The following FGF12 variants were observed in gnomAD, a reference collection of about 807,000 sequenced individuals.
The protein encoded by FGF12 is fibroblast growth factor 12, also known as fibroblast growth factor 12B.
FGF12 carries 14 observed loss-of-function variants against 23.6 expected under a neutral mutation model. The ratio of observed to expected loss-of-function variants is 0.59; its 90% confidence interval spans 0.39 to 0.93. The LOEUF (loss-of-function observed/expected upper bound fraction) is 0.93. Among genes scored for constraint, FGF12 ranks in the 40% least tolerant of loss-of-function variants. The pLI is 0.00. For missense variants in FGF12, 175 were observed against 217.8 expected, an observed-to-expected ratio of 0.80 and a Z score of 1.24; for synonymous variants, 62 against 77.3, an observed-to-expected ratio of 0.80 and a Z score of 1.04.
chr3:192,625,867 A>G (rs1047238218), intron 2 of FGF12, among the ~76,000 whole-genome samples: 1 of 152,220 alleles, frequency 6.6e-6, no homozygotes, highest in African/African-American at 2.4e-5. Context: ...TAAAAACCTA[A>G]TACCATGAAC....
intron 2 of FGF12, among the ~76,000 whole-genome samples, chr3:192,591,395 C>T (rs1276967054): frequency 1.3e-5 from 2 of 151,562 alleles, no homozygotes; most frequent in African/African-American, 4.8e-5. Flanking sequence ...AAAACAGCTG[C>T]CAGTGAAGGA....
At chr3:192,582,241 C>A (rs969409905) in intron 2 of FGF12, among the ~76,000 whole-genome samples, 2 of 152,132 alleles carry the variant, frequency 1.3e-5, no homozygotes, top group Admixed American at 6.5e-5. Flanking sequence ...AGGATTGTAG[C>A]TAATCTGCCA....
intron 2 of FGF12, among the ~76,000 whole-genome samples, chr3:192,570,294 A>C (rs558465028): frequency 6.6e-6 from 1 of 152,200 alleles, no homozygotes; most frequent in African/African-American, 2.4e-5. Flanking sequence ...ATGGAAATCC[A>C]AGTAGAGAGC....
intron 2 of FGF12, among the ~76,000 whole-genome samples, chr3:192,620,281 C>G (rs567083329): frequency 2.6e-5 from 4 of 151,874 alleles, no homozygotes; most frequent in Admixed American, 6.6e-5. Context: ...CACACTCAAA[C>G]CTGAAAAATA....
chr3:192,689,776 C>G (rs1316917909), intron 2 of FGF12, among the ~76,000 whole-genome samples: 1 of 151,680 alleles, frequency 6.6e-6, no homozygotes, highest in Admixed American at 6.6e-5. Flanking sequence ...AACTTCCCAC[C>G]TGGGGAAAGA....
At chr3:192,347,064 T>C (rs1452640941) in intron 3 of FGF12, among the ~76,000 whole-genome samples, 1 of 152,150 alleles carries the variant, frequency 6.6e-6, no homozygotes, top group Non-Finnish European at 1.5e-5. Context: ...TCTGAAAAGT[T>C]TGAAAATTCT....
chr3:192,523,910 T>C (rs9291028), intron 2 of FGF12, among the ~76,000 whole-genome samples: 15,002 of 152,198 alleles, frequency 0.099, 2,340 homozygotes, highest in African/African-American at 0.33. Context: ...AGCAGTATCA[T>C]GATATTTGTA....
At chr3:192,223,189 AG>A (rs1411465009) in intron 4 of FGF12, among the ~76,000 whole-genome samples, 1 of 152,192 alleles carries the variant, frequency 6.6e-6, no homozygotes, top group African/African-American at 2.4e-5. Flanking sequence ...TGAATATTAC[AG>A]GTTACCTAGG....
intron 2 of FGF12, among the ~76,000 whole-genome samples, chr3:192,694,163 TACGATATGCAAATCAAA>T (rs1486329789): frequency 6.6e-6 from 1 of 152,106 alleles, no homozygotes; most frequent in Non-Finnish European, 1.5e-5. Flanking sequence ...TCAACGTCAT[TACGATATGCAAATCAAA>T]ACTACGATGA....
intron 2 of FGF12, among the ~76,000 whole-genome samples, chr3:192,400,499 G>C (rs922526220): frequency 6.6e-6 from 1 of 151,304 alleles, no homozygotes; most frequent in African/African-American, 2.4e-5. Flanking sequence ...CTCCTAAGTA[G>C]CTGGGATTAC....
At chr3:192,536,948 G>A (rs747025554) in intron 2 of FGF12, among the ~76,000 whole-genome samples, 6 of 150,164 alleles carry the variant, frequency 4.0e-5, no homozygotes, top group South Asian at 2.1e-4. Context: ...CTCATTCCCC[G>A]CCACTACACT....
At position 192,591,086 on chromosome 3, in the gene FGF12, T is replaced by A. The variant is rs117347083; in HGVS notation, c.13+136095A>T. Reference sequence around the variant, plus strand: ...TATTCATATGCTTTGCTATCTCGTATTGGAAACAAGTAGTGTGAGTCTAAG... The same window carrying A: ...TATTCATATGCTTTGCTATCTCGTAATGGAAACAAGTAGTGTGAGTCTAAG... On this transcript the variant is annotated intron_variant, in intron 2 of 5. Coordinates refer to ENST00000445105, the MANE Select transcript of FGF12 (RefSeq NM_004113.6). Among the ~76,000 whole-genome samples, 82 of 151,594 alleles carry A rather than the reference T, an allele frequency of 5.4e-4. 1 individual carries two copies. The East Asian group carries it at 0.016, about 29-fold the overall frequency.
chr3:192,277,413 G>A (rs968432345), intron 4 of FGF12, among the ~76,000 whole-genome samples: 2 of 152,172 alleles, frequency 1.3e-5, no homozygotes, highest in Non-Finnish European at 2.9e-5. Context: ...ATGCATAACT[G>A]CTGTGATTGC....
At chr3:192,383,373 T>C (rs1719908099) in intron 2 of FGF12, among the ~76,000 whole-genome samples, 1 of 152,116 alleles carries the variant, frequency 6.6e-6, no homozygotes, top group Non-Finnish European at 1.5e-5. Flanking sequence ...ATAATATTCA[T>C]GTGCTGGTGT....
chr3:192,621,345 T>C (rs2108647905), intron 2 of FGF12, among the ~76,000 whole-genome samples: 1 of 152,330 alleles, frequency 6.6e-6, no homozygotes, highest in African/African-American at 2.4e-5. Flanking sequence ...GTGAAATTAA[T>C]TGTCACCTTT....
chr3:192,223,877 C>T (rs927602523), intron 4 of FGF12, among the ~76,000 whole-genome samples: 6 of 151,808 alleles, frequency 4.0e-5, no homozygotes, highest in Admixed American at 1.3e-4. Context: ...TACTTGTTTC[C>T]GCAAACTCTC....
Position 192,601,058 on chromosome 3 carries a change from C to A in FGF12, c.13+126123G>T, listed in dbSNP as rs568726391. Among the ~76,000 whole-genome samples, 7 of 152,110 alleles carry A rather than the reference C, an allele frequency of 4.6e-5. No homozygotes were observed. In the South Asian group the frequency reaches 1.4e-3, roughly 32 times the overall value. ...ATATGGAGTCAATCTAGGTGTCCAACAACTGATGAATGGATAAAGAACATA... is the reference window on the plus strand; with the variant it reads ...ATATGGAGTCAATCTAGGTGTCCAAAAACTGATGAATGGATAAAGAACATA... On this transcript the variant is annotated intron_variant, in intron 2 of 5. Coordinates refer to ENST00000445105, the MANE Select transcript of FGF12 (RefSeq NM_004113.6).
intron 2 of FGF12, among the ~76,000 whole-genome samples, chr3:192,611,553 T>C (rs1459839493): frequency 6.6e-6 from 1 of 151,982 alleles, no homozygotes; most frequent in Non-Finnish European, 1.5e-5. Flanking sequence ...AAGTGCACCG[T>C]CAGGCAATGG....
rs114630568 is a variant in FGF12, at chr3:192,676,934, A to G, written c.13+50247T>C. ...AATGGGGAGAAAATACATTTCTGTTATTGAAGCCGCTCAGTTTGTGGTACT... is the reference window on the plus strand; with the variant it reads ...AATGGGGAGAAAATACATTTCTGTTGTTGAAGCCGCTCAGTTTGTGGTACT... On this transcript the variant is annotated intron_variant, in intron 2 of 5. Transcript: ENST00000445105. 5.7e-3 allele frequency among the ~76,000 whole-genome samples: 875 copies of G among 152,332 alleles called. 14 individuals are homozygous for G. The highest frequency in any genetic ancestry group is 0.02 in the African/African-American group (837 of 41,566).
Sources: allele counts gnomAD v4.1 joint callset (sites outside exome capture counted in the v4.1 genomes callset), GRCh38; gene constraint gnomAD v4.1.1; transcripts MANE v1.5; gene names NCBI Gene and HGNC (gene_info 2026-07-23, HGNC 2026-07-21).